MCUB: variants seen among roughly 807,000 people sequenced by gnomAD.
MCUB encodes the protein mitochondrial calcium uniporter dominant negative subunit beta.
MCUB carries 46 observed loss-of-function variants against 41.4 expected under a neutral mutation model. The ratio of observed to expected loss-of-function variants is 1.11; its 90% CI spans 0.88 to 1.42. The LOEUF is 1.42. MCUB is among the 40% of genes most tolerant of loss of function. The pLI is 0.00. For missense variants in MCUB, 403 were observed against 404.9 expected (o/e 1.00, Z 0.04); for synonymous variants, 148 against 148.2 (o/e 1.00, Z 0.01).
intron 1 of MCUB, among the ~76,000 whole-genome samples, chr4:109,564,359 C>T (rs374293173): frequency 3.3e-5 from 5 of 151,652 alleles, no homozygotes; most frequent in East Asian, 3.9e-4. Context: ...AAGATGGTCT[C>T]GATCTCCTGA....
At chr4:109,578,776 A>T (rs528616680) in intron 1 of MCUB, among the ~76,000 whole-genome samples, 2 of 151,842 alleles carry the variant, frequency 1.3e-5, no homozygotes, top group Non-Finnish European at 2.9e-5. Context: ...AAAGAATCTC[A>T]TGCTTTCAAA....
intron 1 of MCUB, among the ~76,000 whole-genome samples, chr4:109,624,900 G>A (rs1728329225): frequency 6.6e-6 from 1 of 152,178 alleles, no homozygotes; most frequent in Admixed American, 6.5e-5. Flanking sequence ...AGCATTTTGG[G>A]AGGCCAAGGT....
At chr4:109,629,986 G>A (rs189862163) in intron 1 of MCUB, among the ~76,000 whole-genome samples, 16 of 152,218 alleles carry the variant, frequency 1.1e-4, no homozygotes, top group African/African-American at 2.4e-4. Flanking sequence ...AGTAGCTCCC[G>A]TCCTGAAGCT....
rs201451799 is a variant in MCUB, at chr4:109,682,643, A to G, written c.513A>G (p.Leu171=). 8.1e-6 allele frequency: 13 copies of G among 1,612,874 alleles called. No homozygotes were observed. In the South Asian group the frequency reaches 9.9e-5, roughly 12 times the overall value. ...MEHMKSLVHR[L]FTILHLEESQ... Reference sequence around the variant, plus strand: ...ACATGAAATCTTTGGTTCACAGACTATTTACAATCTTGCATTTAGAAGAGT... The same window carrying G: ...ACATGAAATCTTTGGTTCACAGACTGTTTACAATCTTGCATTTAGAAGAGT... Residue 171 remains leucine, a synonymous_variant, in exon 5 of 8, where the codon CTA becomes CTG. Transcript: ENST00000394650.
intron 1 of MCUB, among the ~76,000 whole-genome samples, chr4:109,607,182 G>C (rs1189730556): frequency 6.6e-6 from 1 of 151,482 alleles, no homozygotes; most frequent in East Asian, 1.9e-4. Flanking sequence ...GTACTTTCAG[G>C]TGATTTCTTA....
chr4:109,579,735 T>A (rs1005917766), intron 1 of MCUB, among the ~76,000 whole-genome samples: 1 of 152,154 alleles, frequency 6.6e-6, no homozygotes, highest in African/African-American at 2.4e-5. Context: ...ACCACTGCCA[T>A]GTAGAAAAGA....
chr4:109,661,131 A>T (rs1729222225), intron 3 of MCUB, among the ~76,000 whole-genome samples: 1 of 152,206 alleles, frequency 6.6e-6, no homozygotes, highest in African/African-American at 2.4e-5. Context: ...AAGAATATAC[A>T]TTTTTTAAAA....
At chr4:109,567,038 T>A (rs1381410722) in intron 1 of MCUB, among the ~76,000 whole-genome samples, 1 of 145,794 alleles carries the variant, frequency 6.9e-6, no homozygotes, top group African/African-American at 2.6e-5. Context: ...GGTTGAAGAG[T>A]AGATGTCTTT....
At chr4:109,581,098 C>T (rs1727162787) in intron 1 of MCUB, among the ~76,000 whole-genome samples, 1 of 152,148 alleles carries the variant, frequency 6.6e-6, no homozygotes, top group Non-Finnish European at 1.5e-5. Flanking sequence ...AAGAACAAAG[C>T]TGGAGGCATC....
At chr4:109,566,287 G>T (rs1726774829) in intron 1 of MCUB, among the ~76,000 whole-genome samples, 1 of 151,628 alleles carries the variant, frequency 6.6e-6, no homozygotes, top group Non-Finnish European at 1.5e-5. Context: ...GGCTAACACG[G>T]TGAAACCCCG....
chr4:109,679,537 T>G (rs1000389464), intron 4 of MCUB, among the ~76,000 whole-genome samples: 3 of 151,616 alleles, frequency 2.0e-5, no homozygotes, highest in African/African-American at 4.8e-5. Flanking sequence ...TCCCAGGCAC[T>G]CAGCAGGCCG....
In MCUB at chr4:109,684,497, G is replaced by A. The variant is rs1195783961; in HGVS notation, c.667G>A (p.Ala223Thr). Reference sequence around the variant, plus strand: ...AGCCAAAACCAGTGGACTCCTGTGGGCTGGATTGGCACTGCTGTCCATTCA... The same window carrying A: ...AGCCAAAACCAGTGGACTCCTGTGGACTGGATTGGCACTGCTGTCCATTCA... ...SEAKTSGLLW[A>T]GLALLSIQGG... The change falls in exon 6 of 8, where the codon GCT becomes ACT. Residue 223 changes from alanine (A) to threonine (T), a missense_variant. Transcript: ENST00000394650. 2 of 1,614,000 alleles carry A rather than the reference G, an allele frequency of 1.2e-6. No individual in the cohort carries two copies. The highest frequency in any genetic ancestry group is 4.5e-5 in the East Asian group (2 of 44,878).
At chr4:109,603,807 T>A (rs564459300) in intron 1 of MCUB, among the ~76,000 whole-genome samples, 1 of 146,244 alleles carries the variant, frequency 6.8e-6, no homozygotes, top group Non-Finnish European at 1.5e-5. Context: ...GTCTGGGAGG[T>A]GGGGGGCACC....
At chr4:109,625,001 G>A (rs1425959361) in intron 1 of MCUB, among the ~76,000 whole-genome samples, 2 of 152,078 alleles carry the variant, frequency 1.3e-5, no homozygotes, top group African/African-American at 2.4e-5. Context: ...TTAGCCAGGT[G>A]TGGTGGAGCA....
At chr4:109,658,969 A>C (rs576183150) in intron 1 of MCUB, 42 bp from the exon 2 acceptor site, 92 of 1,041,854 alleles carry the variant, frequency 8.8e-5, no homozygotes, top group Non-Finnish European at 1.3e-4. Context: ...CATCTTTCCC[A>C]CTCTTTTTTT....
intron 4 of MCUB, among the ~76,000 whole-genome samples, chr4:109,677,538 G>A (rs1729600080): frequency 6.6e-6 from 1 of 152,190 alleles, no homozygotes; most frequent in African/African-American, 2.4e-5. Flanking sequence ...CTAATGCAAA[G>A]CTGTTGGGAA....
intron 4 of MCUB, 136 bp from the exon 5 acceptor site, chr4:109,682,446 T>G (rs113052810): frequency 8.8e-6 from 6 of 678,436 alleles, no homozygotes; most frequent in African/African-American, 7.2e-5. Flanking sequence ...CACCTTTGTT[T>G]ACATGTTTGT....
chr4:109,579,989 C>T (rs900173996), intron 1 of MCUB, among the ~76,000 whole-genome samples: 6 of 152,278 alleles, frequency 3.9e-5, no homozygotes, highest in South Asian at 2.1e-4. Flanking sequence ...CCCATTAACT[C>T]GTCATTTACA....
In MCUB at chr4:109,603,680, G is replaced by A. The variant is rs182566315; in HGVS notation, c.99+43244G>A. The stretch of plus-strand genomic sequence containing the variant: ...AGCGCCTCTGCCCGGCCACCACCCC[G>A]TCTGGGAACTGAGGAGCGCCTCTGT... On this transcript the variant is annotated intron_variant, in intron 1 of 7. Transcript: ENST00000394650. Among the ~76,000 whole-genome samples, 545 of 148,034 alleles carry A rather than the reference G, an allele frequency of 3.7e-3. 7 individuals are homozygous for A. Among genetic ancestry groups the A allele is most frequent in the East Asian group, 0.013 (65 of 4,932 alleles).
Sources: gnomAD v4.1 joint callset for allele counts (sites outside exome capture counted in the v4.1 genomes callset) on GRCh38, gnomAD v4.1.1 for gene constraint, MANE v1.5 for transcripts, NCBI Gene and HGNC (gene_info 2026-07-23, HGNC 2026-07-21) for gene names.